RHOG: variants seen among roughly 807,000 people sequenced by gnomAD.
RHOG encodes the protein ras homolog family member G, also known as rho-related GTP-binding protein RhoG.
A neutral mutation model predicts 12.3 loss-of-function variants in RHOG; 1 was observed. That is an observed-to-expected ratio of 0.08 (90% CI 0.03 to 0.39). The LOEUF is 0.39. RHOG is among the 10% of genes least tolerant of loss of function. RHOG has a pLI of 0.99. For synonymous variants in RHOG, 129 were observed against 116.0 expected, an observed-to-expected ratio of 1.11 and a Z score of -0.72; for missense variants, 114 against 266.2, an observed-to-expected ratio of 0.43 and a Z score of 3.98.
intron 1 of RHOG, among the ~76,000 whole-genome samples, chr11:3,828,569 T>C (rs2090103510): frequency 6.6e-6 from 1 of 152,044 alleles, no homozygotes; most frequent in African/African-American, 2.4e-5. Context: ...TTGTGAGCAT[T>C]ATATAATACA....
chr11:3,834,594 C>G (rs966715807), intron 1 of RHOG, among the ~76,000 whole-genome samples: 6 of 152,240 alleles, frequency 3.9e-5, no homozygotes, highest in African/African-American at 1.4e-4. Flanking sequence ...CTGGCTCCGG[C>G]AGGAAGTATA....
At chr11:3,837,977 G>A (rs1165257451) in intron 1 of RHOG, 7 of 152,304 alleles carry the variant, frequency 4.6e-5, no homozygotes, top group Non-Finnish European at 4.4e-5. Context: ...CATATGAGAT[G>A]AGGACAAAAG....
intron 1 of RHOG, among the ~76,000 whole-genome samples, chr11:3,830,149 T>C (rs1015023519): frequency 1.3e-5 from 2 of 152,218 alleles, no homozygotes; most frequent in African/African-American, 4.8e-5. Context: ...GATCCTGGCA[T>C]GTGCCTCTGA....
intron 1 of RHOG, among the ~76,000 whole-genome samples, chr11:3,832,303 CTAGT>C (rs2090134555): frequency 6.6e-6 from 1 of 152,308 alleles, no homozygotes; most frequent in Admixed American, 6.5e-5. Context: ...CATCACACAG[CTAGT>C]TAGTGTGGGA....
intron 1 of RHOG, 64 bp from the exon 2 acceptor site, chr11:3,828,270 TGGG>T (rs1458323788): frequency 2.6e-6 from 2 of 781,360 alleles, no homozygotes; most frequent in African/African-American, 3.5e-5. Context: ...GAAGAAAAGA[TGGG>T]GGCACACAAA....
At position 3,829,526 on chromosome 11, in the gene RHOG, C is replaced by A. The variant is rs188742246; in HGVS notation, c.-68-1320G>T. Among the ~76,000 whole-genome samples, 72 of 152,258 alleles carry A rather than the reference C, an allele frequency of 4.7e-4. No individual in the cohort carries two copies. In the East Asian group the frequency reaches 0.011, roughly 24 times the overall value. On this transcript the variant is annotated intron_variant, in intron 1 of 1. Coordinates refer to ENST00000351018, the MANE Select transcript of RHOG (RefSeq NM_001665.4). ...TCAGCCTTCCAAAGTGCTGGGATTA[C>A]AGGCGTGAACCACCACACCTGGCCA...
Position 3,827,413 on chromosome 11 carries a change from A to G in RHOG, c.*150T>C. 1 of 645,158 alleles carries G rather than the reference A, an allele frequency of 1.6e-6. No homozygotes were observed. The highest frequency in any genetic ancestry group is 1.9e-5 in the South Asian group (1 of 51,732). The allele number at this position is 645,158 out of a possible 1,614,324, so 40.0% of individuals were successfully genotyped here. A position where few individuals can be genotyped will look rare whatever the true frequency, so the allele number is the denominator to read the frequency against. On this transcript the variant is annotated 3_prime_UTR_variant, in exon 2 of 2. Transcript: ENST00000351018. The surrounding 1 kb of genome is among the most constrained non-coding windows in gnomAD (Gnocchi z 7.3). ...CCTTTCTCTGCAGGCCTCCTTAAGG[A>G]GAAAAAGGCACTCAGAGAAAAAGGC...
At chr11:3,836,937 G>GCC (rs1380783629) in intron 1 of RHOG, among the ~76,000 whole-genome samples, 14 of 106,350 alleles carry the variant, frequency 1.3e-4, no homozygotes, top group Admixed American at 1.2e-3. Flanking sequence ...AAAAAGCTGA[G>GCC]CCTCAGGACC....
At chr11:3,829,203 T>G (rs1240305283) in intron 1 of RHOG, among the ~76,000 whole-genome samples, 2 of 151,798 alleles carry the variant, frequency 1.3e-5, no homozygotes, top group African/African-American at 4.8e-5. Flanking sequence ...CTCAATTCTT[T>G]AGAGAGCTGC....
chr11:3,828,204 G>T lies in RHOG; in HGVS notation c.-66C>A. The stretch of plus-strand genomic sequence containing the variant: ...TCTTCTGGACCCCTCTGGCTGCAGT[G>T]ACCTGTGGACAGATGAAAGGGGACA... On this transcript the variant is annotated splice_region_variant and 5_prime_UTR_variant, in exon 2 of 2. Coordinates refer to ENST00000351018, the MANE Select transcript of RHOG (RefSeq NM_001665.4). 7.1e-7 allele frequency: 1 copy of T among 1,407,980 alleles called. No individual in the cohort carries two copies. The highest frequency in any genetic ancestry group is 2.0e-5 in the Admixed American group (1 of 49,678). 87.2% of individuals were successfully genotyped at this position (1,407,980 alleles called of 1,614,324 possible).
chr11:3,836,863 A>G (rs1404315431), intron 1 of RHOG, among the ~76,000 whole-genome samples: 2 of 133,316 alleles, frequency 1.5e-5, no homozygotes, highest in East Asian at 2.4e-4. Flanking sequence ...AGATCGCGCC[A>G]TTGCACTCCA....
rs1399631212 is a variant in RHOG at position 3,827,205 on chromosome 11, C to A, written c.*358G>T. 1.2e-4 allele frequency: 32 copies of A among 276,570 alleles called. No homozygotes were observed. The highest frequency in any genetic ancestry group is 3.5e-5 in the Non-Finnish European group (5 of 144,250). 17.1% of individuals were successfully genotyped at this position (276,570 alleles called of 1,614,324 possible). ...CAGAGGTTAGAGATGGCTGAGAGCCCCTAACCTGAGGCGGCACCACAATAG... is the reference window on the plus strand; with the variant it reads ...CAGAGGTTAGAGATGGCTGAGAGCCACTAACCTGAGGCGGCACCACAATAG... On this transcript the variant is annotated 3_prime_UTR_variant, in exon 2 of 2. Coordinates refer to ENST00000351018, the MANE Select transcript of RHOG (RefSeq NM_001665.4). The surrounding 1 kb of genome is among the most constrained non-coding windows in gnomAD (Gnocchi z 7.3).
chr11:3,828,658 C>T (rs2090104285), intron 1 of RHOG, among the ~76,000 whole-genome samples: 1 of 140,142 alleles, frequency 7.1e-6, no homozygotes, highest in South Asian at 2.2e-4. Context: ...GAGTCTCACT[C>T]TGTCACCCAG....
intron 1 of RHOG, among the ~76,000 whole-genome samples, chr11:3,829,026 G>A (rs2090110355): frequency 1.3e-5 from 2 of 151,868 alleles, no homozygotes; most frequent in South Asian, 2.1e-4. Context: ...TCCACCAGGA[G>A]ACTGGAAAGT....
chr11:3,831,404 ATG>A (rs2135135925), intron 1 of RHOG, among the ~76,000 whole-genome samples: 1 of 150,412 alleles, frequency 6.6e-6, no homozygotes, highest in African/African-American at 2.5e-5. Context: ...ATTTGCATGA[ATG>A]AGAGAGAGTG....
In RHOG at chr11:3,840,896, G is replaced by A; in HGVS notation, c.-71C>T. 1 of 152,216 alleles carries A rather than the reference G, an allele frequency of 6.6e-6. No individual in the cohort carries two copies. Among genetic ancestry groups the A allele is most frequent in the Non-Finnish European group, 1.5e-5 (1 of 68,018 alleles). 9.4% of individuals were successfully genotyped at this position (152,216 alleles called of 1,614,324 possible). A position where few individuals can be genotyped will look rare whatever the true frequency, so the allele number is the denominator to read the frequency against. On this transcript the variant is annotated splice_region_variant and 5_prime_UTR_variant, in exon 1 of 2. Coordinates refer to ENST00000351018, the MANE Select transcript of RHOG (RefSeq NM_001665.4). ...CGCCAGCCCCGGCCGGGCCTCACCT[G>A]GTGCCCTCCCCGAGGCGGGGGAGCT...
At chr11:3,838,928 C>T (rs1364238265) in intron 1 of RHOG, among the ~76,000 whole-genome samples, 1 of 152,108 alleles carries the variant, frequency 6.6e-6, no homozygotes, top group East Asian at 1.9e-4. Context: ...TTAAGGATGC[C>T]TGAAGGCAGA....
At chr11:3,832,115 C>G (rs918385974) in intron 1 of RHOG, among the ~76,000 whole-genome samples, 1 of 152,118 alleles carries the variant, frequency 6.6e-6, no homozygotes, top group East Asian at 1.9e-4. Context: ...TACTGGATAC[C>G]TGACTCTGAT....
In RHOG at chr11:3,836,377, A is replaced by AG. The variant is rs2090156452; in HGVS notation, c.-69+4516dup. 3.1e-5 allele frequency among the ~76,000 whole-genome samples: 3 copies of AG among 95,564 alleles called. No individual in the cohort carries two copies. In the Admixed American group the frequency reaches 3.3e-4, roughly 11 times the overall value. The allele number at this position is 95,564 out of a possible 152,430, so 62.7% of individuals were successfully genotyped here. ...ATCTCCAAAAAAAAAAAAAAAAGAAAGAAAAAATCCATGCTGGAGGACTCT... is the reference window on the plus strand; with the variant it reads ...ATCTCCAAAAAAAAAAAAAAAAGAAAGGAAAAAATCCATGCTGGAGGACTCT... On this transcript the variant is annotated intron_variant, in intron 1 of 1. Coordinates refer to ENST00000351018, the MANE Select transcript of RHOG (RefSeq NM_001665.4).
Sources: gnomAD v4.1 joint callset for allele counts (sites outside exome capture counted in the v4.1 genomes callset) on GRCh38, gnomAD v4.1.1 for gene constraint, Gnocchi (gnomAD v3.1) non-coding constraint, MANE v1.5 for transcripts, NCBI Gene and HGNC (gene_info 2026-07-23, HGNC 2026-07-21) for gene names.